KCNMA1: variants seen among roughly 807,000 people sequenced by gnomAD.
KCNMA1 encodes the protein Calcium-activated potassium channel subunit alpha-1.
Under a neutral mutation model 140.0 loss-of-function variants are expected in KCNMA1, and 29 were observed. That is an observed-to-expected ratio of 0.21 (90% confidence interval 0.15 to 0.28). The LOEUF (loss-of-function observed/expected upper bound fraction) is 0.28. Among genes scored for constraint, KCNMA1 ranks in the 10% least tolerant of loss-of-function variants. The pLI is 1.00. For synonymous variants in KCNMA1, 612 were observed against 611.9 expected (o/e 1.00, Z 0.00); for missense variants, 880 against 1,602.2 (o/e 0.55, Z 7.70).
chr10:77,140,035 C>G (rs983945301), intron 5 of KCNMA1, among the ~76,000 whole-genome samples: 1 of 152,314 alleles, frequency 6.6e-6, no homozygotes, highest in South Asian at 2.1e-4. Context: ...GAAATATATT[C>G]TTTAATAGCT....
intron 2 of KCNMA1, among the ~76,000 whole-genome samples, chr10:77,261,187 A>G (rs1162145810): frequency 6.6e-6 from 1 of 152,210 alleles, no homozygotes; most frequent in Non-Finnish European, 1.5e-5. Context: ...ACCCTGGGAA[A>G]CAACAGGGTT....
intron 5 of KCNMA1, among the ~76,000 whole-genome samples, chr10:77,155,132 T>A (rs1262517402): frequency 1.3e-5 from 2 of 151,990 alleles, no homozygotes; most frequent in Admixed American, 1.3e-4. Context: ...GAGGTCTTGG[T>A]TTCCATCTAA....
chr10:77,006,572 C>T (rs1375389684), intron 18 of KCNMA1, among the ~76,000 whole-genome samples: 1 of 152,192 alleles, frequency 6.6e-6, no homozygotes, highest in Non-Finnish European at 1.5e-5. Flanking sequence ...CCTCCCATTA[C>T]CTTCTGGAGT....
chr10:77,293,151 G>A lies in KCNMA1; in HGVS notation c.541-41895C>T, dbSNP rs144286841. ...AATGCATCTGAGCAATGGGGGATGT[G>A]TCAGGGGCCAATGCCATGGGAAGGA... On this transcript the variant is annotated intron_variant, in intron 2 of 27. Coordinates refer to ENST00000286628, the MANE Select transcript of KCNMA1 (RefSeq NM_001161352.2). Among the ~76,000 whole-genome samples the A allele has an allele frequency of 3.6e-3, 555 of 152,304 alleles. 1 individual carries two copies. The highest frequency in any genetic ancestry group is 6.6e-3 in the Non-Finnish European group (448 of 68,022).
At chr10:77,077,450 A>T (rs1311755423) in intron 13 of KCNMA1, among the ~76,000 whole-genome samples, 1 of 152,220 alleles carries the variant, frequency 6.6e-6, no homozygotes. Flanking sequence ...TCAGGTTGCT[A>T]TGATCATGTG....
intron 25 of KCNMA1, among the ~76,000 whole-genome samples, chr10:76,895,035 C>G (rs925831442): frequency 6.6e-6 from 1 of 152,148 alleles, no homozygotes; most frequent in Non-Finnish European, 1.5e-5. Flanking sequence ...AAAGACTGAC[C>G]CGCACTTAAT....
chr10:77,517,545 G>T (rs1356456861), intron 1 of KCNMA1, among the ~76,000 whole-genome samples: 2 of 152,168 alleles, frequency 1.3e-5, no homozygotes, highest in African/African-American at 4.8e-5. Context: ...AGACCTGCTG[G>T]GTGGTTCTGC....
intron 2 of KCNMA1, among the ~76,000 whole-genome samples, chr10:77,339,900 A>G (rs1169607488): frequency 2.0e-5 from 3 of 152,156 alleles, no homozygotes; most frequent in East Asian, 1.9e-4. Flanking sequence ...GAAGCTCTCC[A>G]TCTCTCTTGC....
At chr10:77,506,140 T>C (rs1210677617) in intron 1 of KCNMA1, among the ~76,000 whole-genome samples, 4 of 152,146 alleles carry the variant, frequency 2.6e-5, no homozygotes, top group African/African-American at 9.7e-5. Flanking sequence ...AGTGATGGGG[T>C]GAATCACTCT....
intron 2 of KCNMA1, among the ~76,000 whole-genome samples, chr10:77,276,589 G>T (rs1444497096): frequency 6.6e-6 from 1 of 152,108 alleles, no homozygotes; most frequent in East Asian, 1.9e-4. Flanking sequence ...ACAGATCCAG[G>T]CTCAGCAGGT....
intron 20 of KCNMA1, among the ~76,000 whole-genome samples, chr10:76,955,603 T>C (rs1000090284): frequency 6.6e-6 from 1 of 152,210 alleles, no homozygotes; most frequent in African/African-American, 2.4e-5. Context: ...AGTGTCTGGA[T>C]TGTTGAGAGG....
intron 1 of KCNMA1, among the ~76,000 whole-genome samples, chr10:77,421,125 A>G (rs771071202): frequency 1.3e-5 from 2 of 152,202 alleles, no homozygotes; most frequent in African/African-American, 2.4e-5. Context: ...CACCTCCCTT[A>G]ATCCACAGCA....
intron 9 of KCNMA1, 100 bp from the exon 10 acceptor site, chr10:77,090,610 G>A (rs2096790533): frequency 1.3e-6 from 1 of 794,546 alleles, no homozygotes; most frequent in African/African-American, 1.7e-5. Context: ...TGCAGGGGAA[G>A]CATTCATCTC....
At chr10:77,279,433 G>A (rs568060003) in intron 2 of KCNMA1, among the ~76,000 whole-genome samples, 5 of 152,060 alleles carry the variant, frequency 3.3e-5, no homozygotes, top group South Asian at 2.1e-4. Flanking sequence ...CCCAGCAAGC[G>A]GACAAAGGGC....
chr10:77,184,057 C>T (rs564179078), intron 4 of KCNMA1, among the ~76,000 whole-genome samples: 19 of 143,580 alleles, frequency 1.3e-4, no homozygotes, highest in Middle Eastern at 3.6e-3. Flanking sequence ...CACATATGTA[C>T]GCATTCACAC....
chr10:77,342,789 C>T lies in KCNMA1; in HGVS notation c.540+61073G>A, dbSNP rs375290782. 3.7e-4 allele frequency among the ~76,000 whole-genome samples: 56 copies of T among 152,304 alleles called. No homozygotes were observed. In the South Asian group the frequency reaches 0.01, roughly 28 times the overall value. On this transcript the variant is annotated intron_variant, in intron 2 of 27. Coordinates refer to ENST00000286628, the MANE Select transcript of KCNMA1 (RefSeq NM_001161352.2). ...GTGTGTACTGTGATTGGGCCCATCACGGGGTGGCACATAATTGAACAAGTT... is the reference window on the plus strand; with the variant it reads ...GTGTGTACTGTGATTGGGCCCATCATGGGGTGGCACATAATTGAACAAGTT...
intron 19 of KCNMA1, among the ~76,000 whole-genome samples, chr10:76,990,496 T>C (rs1012428242): frequency 1.3e-5 from 2 of 152,230 alleles, no homozygotes; most frequent in Admixed American, 1.3e-4. Context: ...TAATAGAAGA[T>C]GTTTGTGAAG....
At chr10:77,368,545 G>T (rs1305140905) in intron 2 of KCNMA1, among the ~76,000 whole-genome samples, 1 of 152,016 alleles carries the variant, frequency 6.6e-6, no homozygotes, top group Non-Finnish European at 1.5e-5. Flanking sequence ...TTCTAATTTT[G>T]ACGTGTCTAA....
intron 20 of KCNMA1, among the ~76,000 whole-genome samples, chr10:76,962,746 A>G (rs2072182544): frequency 6.6e-6 from 1 of 152,152 alleles, no homozygotes; most frequent in African/African-American, 2.4e-5. Context: ...TTGCTCTTCC[A>G]TGTATTTCCA....
Sources: gnomAD v4.1 joint callset for allele counts (sites outside exome capture counted in the v4.1 genomes callset) on GRCh38, gnomAD v4.1.1 for gene constraint, MANE v1.5 for transcripts, NCBI Gene and HGNC (gene_info 2026-07-23, HGNC 2026-07-21) for gene names.